ESRRB: variants seen among roughly 807,000 people sequenced by gnomAD.
ESRRB encodes the protein estrogen related receptor beta, also known as steroid hormone receptor ERR2.
Under a neutral mutation model 46.0 loss-of-function variants are expected in ESRRB, and 16 were observed. The observed-to-expected ratio is 0.35, with a 90% CI of 0.24 to 0.53. The LOEUF is 0.53. Ranked by LOEUF, ESRRB falls within the 20% of genes least tolerant of loss-of-function variation. ESRRB has a pLI of 0.93. For synonymous variants in ESRRB, 246 were observed against 259.6 expected, an observed-to-expected ratio of 0.95 and a Z score of 0.50; for missense variants, 488 against 607.4, an observed-to-expected ratio of 0.80 and a Z score of 2.07.
At chr14:76,358,375 GAAAGAAAGAAAGAAAGAAAGAAAGAA>G (rs1884419226) in intron 1 of ESRRB, among the ~76,000 whole-genome samples, 1 of 65,158 alleles carries the variant, frequency 1.5e-5, no homozygotes, top group Non-Finnish European at 3.5e-5. Context: ...AAGAAAGAAA[GAAAGAAAGAAAGAAAGAAAGAAAGAA>G]AGAAAGAAAG....
chr14:76,498,634 GGGGGAC>G lies in ESRRB; in HGVS notation c.*182_*187del. ...TGCAGACTCCCGGGTGCAGTGGGGTGGGGGACGGGGATGGGGGGGCAGGGGTGTGGG... is the reference window on the plus strand; with the variant it reads ...TGCAGACTCCCGGGTGCAGTGGGGTGGGGGATGGGGGGGCAGGGGTGTGGG... On this transcript the variant is annotated 3_prime_UTR_variant, in exon 7 of 7. Transcript: ENST00000644823. 2.2e-6 allele frequency: 3 copies of G among 1,336,468 alleles called. No homozygotes were observed. The highest frequency in any genetic ancestry group is 3.0e-6 in the Non-Finnish European group (3 of 991,880). The allele number at this position is 1,336,468 out of a possible 1,614,324, so 82.8% of individuals were successfully genotyped here.
At chr14:76,418,817 T>C (rs907707677) in intron 1 of ESRRB, among the ~76,000 whole-genome samples, 4 of 152,170 alleles carry the variant, frequency 2.6e-5, no homozygotes, top group Non-Finnish European at 5.9e-5. Context: ...TGTTTTGCCA[T>C]GTTGGCCAGG....
At chr14:76,367,036 A>G (rs963492869), upstream of ESRRB, among the ~76,000 whole-genome samples, 2 of 152,214 alleles carry the variant, frequency 1.3e-5, no homozygotes, top group African/African-American at 2.4e-5. Flanking sequence ...TGTTTGACTT[A>G]GCCCTGGTCG....
chr14:76,482,736 T>C lies in ESRRB; in HGVS notation c.827T>C (p.Ile276Thr), dbSNP rs371346144. 23 of 1,613,990 alleles carry C rather than the reference T, an allele frequency of 1.4e-5. No individual in the cohort carries two copies. The African/African-American group carries it at 1.5e-4, about 10-fold the overall frequency. The change falls in exon 5 of 7, where the codon ATT becomes ACT. Residue 276 changes from isoleucine (I) to threonine (T), a missense_variant. Coordinates refer to ENST00000644823, the MANE Select transcript of ESRRB (RefSeq NM_001379180.1). The surrounding 1 kb of genome is among the most constrained non-coding windows in gnomAD (Gnocchi z 4.3). ...DLADRELVVI[I>T]GWAKHIPGFS... ...GCAGACCGAGAGCTTGTGGTCATCA[T>C]TGGCTGGGCCAAGCACATCCCAGGT... is the stretch of plus-strand genomic sequence containing the variant.
At chr14:76,427,442 C>A (rs767730419) in intron 1 of ESRRB, among the ~76,000 whole-genome samples, 1 of 151,950 alleles carries the variant, frequency 6.6e-6, no homozygotes, top group Admixed American at 6.6e-5. Flanking sequence ...AGGAGAGAAG[C>A]TAGTGCTTGG....
chr14:76,435,610 A>G (rs2139923685), intron 1 of ESRRB, among the ~76,000 whole-genome samples: 1 of 152,354 alleles, frequency 6.6e-6, no homozygotes, highest in East Asian at 1.9e-4. Flanking sequence ...CAGGCGGATC[A>G]CCTGAAGTCA....
intron 3 of ESRRB, among the ~76,000 whole-genome samples, chr14:76,463,056 A>T (rs1321099870): frequency 6.6e-6 from 1 of 152,210 alleles, no homozygotes; most frequent in Non-Finnish European, 1.5e-5. Flanking sequence ...GGAATGATAA[A>T]TAATGTTCCC....
intron 1 of ESRRB, among the ~76,000 whole-genome samples, chr14:76,417,188 G>A (rs1264355094): frequency 2.6e-5 from 4 of 152,192 alleles, no homozygotes; most frequent in Non-Finnish European, 5.9e-5. Context: ...ATAGGGGTCA[G>A]GGTGTCTTCC....
rs1433945920 is a variant in ESRRB, at chr14:76,500,037, T to C, written c.*1579T>C. ...CCTCAATGAGAGAGGCAGGCAGATC[T>C]CACCCAGCACTAGGACACCAGGAGG... is the stretch of plus-strand genomic sequence containing the variant. On this transcript the variant is annotated 3_prime_UTR_variant, in exon 7 of 7. Coordinates refer to ENST00000644823, the MANE Select transcript of ESRRB (RefSeq NM_001379180.1). 6.4e-7 allele frequency: 1 copy of C among 1,555,058 alleles called. No individual in the cohort carries two copies. Among genetic ancestry groups the C allele is most frequent in the Admixed American group, 2.0e-5 (1 of 51,194 alleles).
chr14:76,376,450 C>G lies in ESRRB; in HGVS notation c.49C>G (p.Gln17Glu). Residue 17 changes from glutamine to glutamate, a missense_variant and splice_region_variant, in exon 1 of 7, where the codon CAG becomes GAG. Gln to Glu is a conservative substitution (Grantham distance 29). Coordinates refer to ENST00000644823, the MANE Select transcript of ESRRB (RefSeq NM_001379180.1). The surrounding 1 kb of genome is among the most constrained non-coding windows in gnomAD (Gnocchi z 4.1). ...CIPDPLGYHN[Q>E]LLNRMSSDDR... is the part of the protein sequence containing the mutation. The stretch of plus-strand genomic sequence containing the variant: ...CCCGGACCCCCTCGGCTACCACAAC[C>G]AGTAGGTGCCCTGCTTCTCGGTCTG... The G allele has an allele frequency of 8.1e-7, 1 of 1,231,692 alleles. No homozygotes were observed. Among genetic ancestry groups the G allele is most frequent in the Non-Finnish European group, 1.0e-6 (1 of 987,948 alleles). The allele number at this position is 1,231,692 out of a possible 1,614,324, so 76.3% of individuals were successfully genotyped here. A position where few individuals can be genotyped will look rare whatever the true frequency, so the allele number is the denominator to read the frequency against.
intron 1 of ESRRB, among the ~76,000 whole-genome samples, chr14:76,412,089 C>T (rs1160144283): frequency 6.6e-6 from 1 of 151,996 alleles, no homozygotes; most frequent in Non-Finnish European, 1.5e-5. Flanking sequence ...ATTTGTATTC[C>T]CACTCACATT....
At chr14:76,453,082 C>T (rs1321897055) in intron 2 of ESRRB, among the ~76,000 whole-genome samples, 1 of 152,214 alleles carries the variant, frequency 6.6e-6, no homozygotes, top group African/African-American at 2.4e-5. Flanking sequence ...GGGCAAGGCC[C>T]AGCAATCTGA....
chr14:76,395,959 G>A (rs1053243604), intron 1 of ESRRB, among the ~76,000 whole-genome samples: 2 of 152,058 alleles, frequency 1.3e-5, no homozygotes, highest in Non-Finnish European at 2.9e-5. Flanking sequence ...TGGACCACAA[G>A]GCCAAGAGTT....
chr14:76,454,170 A>G (rs1217274647), intron 2 of ESRRB, among the ~76,000 whole-genome samples: 1 of 152,152 alleles, frequency 6.6e-6, no homozygotes, highest in Non-Finnish European at 1.5e-5. Flanking sequence ...GAGAAAGACC[A>G]AGAGGAGACA....
chr14:76,365,523 A>G (rs1489592233), intron 1 of ESRRB, among the ~76,000 whole-genome samples: 1 of 152,144 alleles, frequency 6.6e-6, no homozygotes, highest in Non-Finnish European at 1.5e-5. Context: ...CACTGAATCT[A>G]TTGTTTGAAC....
chr14:76,337,443 T>G (rs1884140535), intron 1 of ESRRB, among the ~76,000 whole-genome samples: 1 of 152,086 alleles, frequency 6.6e-6, no homozygotes, highest in Non-Finnish European at 1.5e-5. Flanking sequence ...TCAAGGGAAT[T>G]TCAGAAAAAG....
chr14:76,490,951 C>G (rs532710786), intron 5 of ESRRB, among the ~76,000 whole-genome samples: 14 of 152,048 alleles, frequency 9.2e-5, no homozygotes, highest in Non-Finnish European at 1.3e-4. Flanking sequence ...TGGTCAGGCC[C>G]GTGGGTCTCT....
intron 1 of ESRRB, among the ~76,000 whole-genome samples, chr14:76,363,575 C>A (rs765332928): frequency 7.9e-5 from 12 of 152,340 alleles, no homozygotes; most frequent in Non-Finnish European, 1.2e-4. Context: ...GCTGAGAGCA[C>A]ACCTCATTCC....
intron 1 of ESRRB, among the ~76,000 whole-genome samples, chr14:76,349,125 C>T (rs144667930): frequency 6.6e-6 from 1 of 152,296 alleles, no homozygotes; most frequent in Non-Finnish European, 1.5e-5. Flanking sequence ...GTCACAGAGC[C>T]AATGAGTGAG....
Sources: allele counts gnomAD v4.1 joint callset (sites outside exome capture counted in the v4.1 genomes callset), GRCh38; gene constraint gnomAD v4.1.1; non-coding constraint Gnocchi (gnomAD v3.1); transcripts MANE v1.5; gene names NCBI Gene and HGNC (gene_info 2026-07-23, HGNC 2026-07-21).